Variants in GOLPH3L observed in about 807,000 individuals in gnomAD.
GOLPH3L encodes golgi phosphoprotein 3 like.
GOLPH3L carries 22 observed loss-of-function variants against 30.3 expected under a neutral mutation model. The observed-to-expected ratio is 0.73, with a 90% confidence interval of 0.52 to 1.04. The LOEUF is 1.04. GOLPH3L is among the 50% of genes least tolerant of loss of function. The pLI is 0.00. For missense variants in GOLPH3L, 303 were observed against 345.8 expected, an observed-to-expected ratio of 0.88 and a Z score of 0.98; for synonymous variants, 120 against 128.2, an observed-to-expected ratio of 0.94 and a Z score of 0.43.
At chr1:150,695,265 T>C (rs980019763) in intron 1 of GOLPH3L, among the ~76,000 whole-genome samples, 1 of 152,004 alleles carries the variant, frequency 6.6e-6, no homozygotes, top group African/African-American at 2.4e-5. Context: ...GCCTCCTGAG[T>C]AGTTGGGATT....
chr1:150,677,126 A>G (rs1028518053), intron 2 of GOLPH3L, among the ~76,000 whole-genome samples: 14 of 151,154 alleles, frequency 9.3e-5, no homozygotes, highest in Admixed American at 2.0e-4. Flanking sequence ...GCTGGAGTGC[A>G]GTGGCGCGAT....
chr1:150,653,604 G>A (rs1292293802), intron 4 of GOLPH3L, among the ~76,000 whole-genome samples: 1 of 151,628 alleles, frequency 6.6e-6, no homozygotes, highest in Non-Finnish European at 1.5e-5. Flanking sequence ...GGGACTATAG[G>A]CATGTACCAC....
intron 4 of GOLPH3L, among the ~76,000 whole-genome samples, chr1:150,653,102 T>G (rs587611179): frequency 7.1e-6 from 1 of 141,638 alleles, no homozygotes; most frequent in East Asian, 2.1e-4. Context: ...CTGGGTAACA[T>G]AGTGAAACTT....
chr1:150,662,187 G>A (rs1003698725), intron 3 of GOLPH3L, among the ~76,000 whole-genome samples: 1 of 152,176 alleles, frequency 6.6e-6, no homozygotes. Flanking sequence ...CTCATTTTGA[G>A]TCTGGAAACC....
At chr1:150,683,699 C>CTA (rs1651015930) in intron 2 of GOLPH3L, among the ~76,000 whole-genome samples, 2 of 14,958 alleles carry the variant, frequency 1.3e-4, no homozygotes, top group African/African-American at 2.0e-4. Flanking sequence ...GACTCTCTCT[C>CTA]AAAAAAAAAA....
chr1:150,646,665 T>C lies in GOLPH3L; in HGVS notation c.*1656A>G, dbSNP rs1356901678. The C allele has an allele frequency of 6.6e-6, 1 of 152,194 alleles. No individual in the cohort carries two copies. Among genetic ancestry groups the C allele is most frequent in the African/African-American group, 2.4e-5 (1 of 41,446 alleles). The allele number at this position is 152,194 out of a possible 1,614,324, so 9.4% of individuals were successfully genotyped here. A position where few individuals can be genotyped will look rare whatever the true frequency, so the allele number is the denominator to read the frequency against. ...GGGCATTTTTGTGGGGCTAAGTAGA[T>C]TTGGCAGAGGAGAGAAATGAATAAA... On this transcript the variant is annotated 3_prime_UTR_variant, in exon 5 of 5. Transcript: ENST00000271732.
intron 2 of GOLPH3L, among the ~76,000 whole-genome samples, chr1:150,693,915 A>G (rs1339773845): frequency 8.5e-6 from 1 of 117,524 alleles, no homozygotes; most frequent in East Asian, 2.8e-4. Context: ...GCTGGAGTGC[A>G]GTGGTGCAAT....
Position 150,651,049 on chromosome 1 carries a change from G to A in GOLPH3L, c.431-2301C>T, listed in dbSNP as rs144910223. Among the ~76,000 whole-genome samples, 26 of 152,350 alleles carry A rather than the reference G, an allele frequency of 1.7e-4. No individual in the cohort carries two copies. The East Asian group carries it at 5.0e-3, about 29-fold the overall frequency. On this transcript the variant is annotated intron_variant, in intron 4 of 4. Coordinates refer to ENST00000271732, the MANE Select transcript of GOLPH3L (RefSeq NM_018178.6). The stretch of plus-strand genomic sequence containing the variant: ...AGATCCATTTAGACCAGGTGCGGTG[G>A]CTCACGCCTGTAATCCCAGCATTTT...
At chr1:150,659,469 G>A (rs1048795672) in intron 4 of GOLPH3L, among the ~76,000 whole-genome samples, 1 of 152,196 alleles carries the variant, frequency 6.6e-6, no homozygotes, top group South Asian at 2.1e-4. Context: ...TCATGCTGCA[G>A]ATAACTAGCC....
intron 2 of GOLPH3L, among the ~76,000 whole-genome samples, chr1:150,673,153 G>A (rs1303845191): frequency 6.6e-6 from 1 of 152,050 alleles, no homozygotes; most frequent in Admixed American, 6.6e-5. Context: ...ATCATTAGTT[G>A]TTTTACCCTA....
rs1023048370 is a variant in GOLPH3L, at chr1:150,648,076, T to G, written c.*245A>C. On this transcript the variant is annotated 3_prime_UTR_variant, in exon 5 of 5. Transcript: ENST00000271732. Reference sequence around the variant, plus strand: ...TAAACCACCAAATGGGAGAAAATGTTCATTGGGTGTGTGTGGCTTCACCCA... The same window carrying G: ...TAAACCACCAAATGGGAGAAAATGTGCATTGGGTGTGTGTGGCTTCACCCA... The G allele has an allele frequency of 2.5e-6, 1 of 403,248 alleles. No individual in the cohort carries two copies. Among genetic ancestry groups the G allele is most frequent in the Admixed American group, 4.0e-5 (1 of 25,122 alleles). The allele number at this position is 403,248 out of a possible 1,614,324, so 25.0% of individuals were successfully genotyped here.
chr1:150,663,039 AT>A (rs11432766), intron 3 of GOLPH3L, among the ~76,000 whole-genome samples: 39 of 147,664 alleles, frequency 2.6e-4, no homozygotes, highest in African/African-American at 3.7e-4. Context: ...CTATTTCGTA[AT>A]TTTTTTTTTT....
intron 2 of GOLPH3L, among the ~76,000 whole-genome samples, chr1:150,666,520 T>C (rs1297654052): frequency 6.6e-6 from 1 of 152,040 alleles, no homozygotes; most frequent in East Asian, 1.9e-4. Context: ...AATTTTTTTG[T>C]GGAGATGGGG....
rs587720246 is a variant in GOLPH3L, at chr1:150,670,738, TTATTAA to T, written c.184-6981_184-6976del. On this transcript the variant is annotated intron_variant, in intron 2 of 4. Transcript: ENST00000271732. Reference sequence around the variant, plus strand: ...TTATATACATATTCTATGTTTACACTTATTAATATTATTTCTAGAAATGGCATTACA... The same window carrying T: ...TTATATACATATTCTATGTTTACACTTATTATTTCTAGAAATGGCATTACA... Among the ~76,000 whole-genome samples, 46 of 152,346 alleles carry T rather than the reference TTATTAA, an allele frequency of 3.0e-4. No individual in the cohort carries two copies. In the South Asian group the frequency reaches 7.5e-3, roughly 25 times the overall value.
chr1:150,648,663 A>G lies in GOLPH3L; in HGVS notation c.516T>C (p.Ile172=). The change falls in exon 5 of 5, where the codon ATT becomes ATC. Residue 172 remains isoleucine (I), a synonymous_variant. Transcript: ENST00000271732. ...GGAAATTCTGCTTCTCAGTGGTTAGAATACCTTTCTCTACTAGGTTCTTTG... is the reference window on the plus strand; with the variant it reads ...GGAAATTCTGCTTCTCAGTGGTTAGGATACCTTTCTCTACTAGGTTCTTTG... ...RIAKNLVEKG[I]LTTEKQNFLL... 1 of 1,612,712 alleles carries G rather than the reference A, an allele frequency of 6.2e-7. No individual in the cohort carries two copies. Among genetic ancestry groups the G allele is most frequent in the South Asian group, 1.1e-5 (1 of 91,042 alleles).
At chr1:150,684,293 C>T (rs1651033922) in intron 2 of GOLPH3L, among the ~76,000 whole-genome samples, 1 of 152,192 alleles carries the variant, frequency 6.6e-6, no homozygotes, top group Admixed American at 6.5e-5. Context: ...TAATCCTACT[C>T]TCACAGAAAA....
At chr1:150,680,863 A>C (rs1262995237) in intron 2 of GOLPH3L, among the ~76,000 whole-genome samples, 2 of 152,208 alleles carry the variant, frequency 1.3e-5, no homozygotes, top group Non-Finnish European at 2.9e-5. Flanking sequence ...TTTTTATATA[A>C]TCAGGCTGGG....
In GOLPH3L at chr1:150,648,762, G is replaced by T. The variant is rs1194791800; in HGVS notation, c.431-14C>A. The T allele has an allele frequency of 1.3e-6, 2 of 1,542,442 alleles. No homozygotes were observed. The highest frequency in any genetic ancestry group is 3.4e-5 in the Admixed American group (2 of 58,194). The stretch of plus-strand genomic sequence containing the variant: ...TCCAGGTCTCACCTATGAGAAAAAA[G>T]AAATAGGACATAATGAACTGAAAGA... On this transcript the variant is annotated splice_polypyrimidine_tract_variant and intron_variant, in intron 4 of 4. Transcript: ENST00000271732.
intron 2 of GOLPH3L, among the ~76,000 whole-genome samples, chr1:150,677,989 G>GA (rs1276710214): frequency 1.3e-5 from 2 of 150,320 alleles, no homozygotes; most frequent in Admixed American, 6.6e-5. Context: ...AAGTAAAAAG[G>GA]AAAAAAAAAT....
Sources: allele counts gnomAD v4.1 joint callset (sites outside exome capture counted in the v4.1 genomes callset), GRCh38; gene constraint gnomAD v4.1.1; transcripts MANE v1.5; gene names NCBI Gene and HGNC (gene_info 2026-07-23, HGNC 2026-07-21).